The following PPARD variants were observed in gnomAD, a reference collection of about 807,000 sequenced individuals.
The protein encoded by PPARD is peroxisome proliferator-activated receptor delta.
A neutral mutation model predicts 39.5 loss-of-function variants in PPARD; 6 were observed. The observed-to-expected ratio is 0.15, with a 90% CI of 0.08 to 0.30. The LOEUF (loss-of-function observed/expected upper bound fraction) is 0.30. PPARD is among the 10% of genes least tolerant of loss of function. PPARD has a pLI of 1.00. For missense variants in PPARD, 397 were observed against 596.8 expected, an observed-to-expected ratio of 0.67 and a Z score of 3.49; for synonymous variants, 210 against 231.3, an observed-to-expected ratio of 0.91 and a Z score of 0.83.
rs202166688 is a variant in PPARD, at chr6:35,424,382, G to A, written c.681G>A (p.Val227=). The A allele has an allele frequency of 2.6e-5, 42 of 1,613,822 alleles. No individual in the cohort carries two copies. The highest frequency in any genetic ancestry group is 7.7e-5 in the South Asian group (7 of 91,074). The change falls in exon 7 of 8, where the codon GTG becomes GTA. Residue 227 remains valine, a synonymous_variant. Coordinates refer to ENST00000360694, the MANE Select transcript of PPARD (RefSeq NM_006238.5). The surrounding 1 kb of genome is among the most constrained non-coding windows in gnomAD (Gnocchi z 7.1). ...ETLWQAEKGL[V]WKQLVNGLPP... ...TGTGGCAGGCAGAGAAGGGGCTGGT[G>A]TGGAAGCAGTTGGTGAATGGCCTGC... is the stretch of plus-strand genomic sequence containing the variant.
At position 35,428,123 on chromosome 6, in the gene PPARD, A is replaced by G. The variant is rs1463778250; in HGVS notation, c.*2044A>G. 2.0e-5 allele frequency: 3 copies of G among 152,650 alleles called. No individual in the cohort carries two copies. 9.5% of individuals were successfully genotyped at this position (152,650 alleles called of 1,614,324 possible). On this transcript the variant is annotated 3_prime_UTR_variant, in exon 8 of 8. Coordinates refer to ENST00000360694, the MANE Select transcript of PPARD (RefSeq NM_006238.5). ...AGCCCCAGCTTCCTGTGTTTTTAAT[A>G]TAAATAGTGTACACAGACTGACGAA...
At chr6:35,399,859 TA>T (rs1454482009) in intron 2 of PPARD, among the ~76,000 whole-genome samples, 1 of 152,244 alleles carries the variant, frequency 6.6e-6, no homozygotes, top group African/African-American at 2.4e-5. Context: ...GTTTAATGAC[TA>T]GGTAATACTC....
At chr6:35,364,781 C>T (rs1177613606) in intron 2 of PPARD, among the ~76,000 whole-genome samples, 1 of 151,886 alleles carries the variant, frequency 6.6e-6, no homozygotes, top group Non-Finnish European at 1.5e-5. Context: ...GCGATTTCGC[C>T]TCACTGCAAC....
At chr6:35,388,039 T>G (rs1278405647) in intron 2 of PPARD, among the ~76,000 whole-genome samples, 1 of 151,712 alleles carries the variant, frequency 6.6e-6, no homozygotes, top group Non-Finnish European at 1.5e-5. Context: ...TTTTTTTTTT[T>G]TTAAAGCTTT....
At chr6:35,385,013 G>A (rs1364966829) in intron 2 of PPARD, among the ~76,000 whole-genome samples, 1 of 139,364 alleles carries the variant, frequency 7.2e-6, no homozygotes, top group African/African-American at 3.0e-5. Context: ...AGGGAGGTGG[G>A]AGGGGTCAGC....
At chr6:35,357,090 A>G (rs1761660757) in intron 2 of PPARD, among the ~76,000 whole-genome samples, 2 of 152,178 alleles carry the variant, frequency 1.3e-5, no homozygotes, top group African/African-American at 2.4e-5. Flanking sequence ...GTTAGAAGCC[A>G]CCTTCCCTTA....
Position 35,347,125 on chromosome 6 carries a change from C to T in PPARD, c.-127C>T. The T allele has an allele frequency of 6.5e-7, 1 of 1,536,124 alleles. No individual in the cohort carries two copies. Among genetic ancestry groups the T allele is most frequent in the Non-Finnish European group, 8.7e-7 (1 of 1,146,904 alleles). ...TCACACAGTGGCTTCTGCTCACCAA[C>T]AGATGAAGACAGATGCACCAACGAG... On this transcript the variant is annotated 5_prime_UTR_variant, in exon 2 of 8. Transcript: ENST00000360694.
At chr6:35,345,849 G>A (rs756011803) in intron 1 of PPARD, among the ~76,000 whole-genome samples, 55 of 151,416 alleles carry the variant, frequency 3.6e-4, no homozygotes, top group Non-Finnish European at 6.8e-4. Context: ...TCTCTCTCAG[G>A]AGTTGGACCT....
intron 2 of PPARD, among the ~76,000 whole-genome samples, chr6:35,362,074 C>G (rs979803338): frequency 1.3e-5 from 2 of 152,142 alleles, no homozygotes; most frequent in African/African-American, 4.8e-5. Flanking sequence ...TATATTATCA[C>G]ACATAAGTGG....
At chr6:35,391,645 A>G (rs1157497419) in intron 2 of PPARD, among the ~76,000 whole-genome samples, 2 of 152,202 alleles carry the variant, frequency 1.3e-5, no homozygotes, top group African/African-American at 4.8e-5. Context: ...AGGAAAAGAG[A>G]CGACTGTTTT....
chr6:35,395,985 G>T (rs1764287865), intron 2 of PPARD, among the ~76,000 whole-genome samples: 1 of 152,168 alleles, frequency 6.6e-6, no homozygotes, highest in South Asian at 2.1e-4. Flanking sequence ...TCACACGGAA[G>T]CTGGGTAGGC....
chr6:35,396,591 G>A lies in PPARD; in HGVS notation c.-101-14396G>A, dbSNP rs1353158497. On this transcript the variant is annotated intron_variant, in intron 2 of 7. Coordinates refer to ENST00000360694, the MANE Select transcript of PPARD (RefSeq NM_006238.5). ...CATGCCTATAATCCCAGCACTTTGG[G>A]AGGCCGAGGCGGGCAGATCATGAGG... 3.3e-5 allele frequency among the ~76,000 whole-genome samples: 5 copies of A among 149,654 alleles called. No individual in the cohort carries two copies. In the East Asian group the frequency reaches 9.9e-4, roughly 30 times the overall value.
chr6:35,369,218 C>G (rs1470304132), intron 2 of PPARD, among the ~76,000 whole-genome samples: 2 of 152,138 alleles, frequency 1.3e-5, no homozygotes, highest in African/African-American at 4.8e-5. Flanking sequence ...GGCTATTCAT[C>G]CTTCCCCTCA....
intron 2 of PPARD, among the ~76,000 whole-genome samples, chr6:35,378,360 G>A (rs1681449353): frequency 6.6e-6 from 1 of 152,162 alleles, no homozygotes; most frequent in African/African-American, 2.4e-5. Flanking sequence ...ATGACAGCAG[G>A]AAAGCTTGTT....
chr6:35,373,546 G>A (rs1762615182), intron 2 of PPARD, among the ~76,000 whole-genome samples: 1 of 152,194 alleles, frequency 6.6e-6, no homozygotes, highest in African/African-American at 2.4e-5. Context: ...ACTGCACAGA[G>A]GAGCTTTCTG....
Position 35,347,074 on chromosome 6 carries a change from C to T in PPARD, c.-178C>T. ...GTTTTTTCTATCCTGCAGTGTTGTA[C>T]AGTGTTTTGGGCATGCACGTGATAC... On this transcript the variant is annotated 5_prime_UTR_variant, in exon 2 of 8. Coordinates refer to ENST00000360694, the MANE Select transcript of PPARD (RefSeq NM_006238.5). The T allele has an allele frequency of 6.5e-7, 1 of 1,532,558 alleles. No individual in the cohort carries two copies. Among genetic ancestry groups the T allele is most frequent in the African/African-American group, 1.4e-5 (1 of 73,042 alleles). 94.9% of individuals were successfully genotyped at this position (1,532,558 alleles called of 1,614,324 possible). A position where few individuals can be genotyped will look rare whatever the true frequency, so the allele number is the denominator to read the frequency against.
chr6:35,374,878 G>A (rs1762717046), intron 2 of PPARD, among the ~76,000 whole-genome samples: 1 of 151,850 alleles, frequency 6.6e-6, no homozygotes, highest in African/African-American at 2.4e-5. Flanking sequence ...CCTGACAGTT[G>A]CCCTCTATTT....
At chr6:35,383,320 G>A (rs963288069) in intron 2 of PPARD, among the ~76,000 whole-genome samples, 2 of 152,216 alleles carry the variant, frequency 1.3e-5, no homozygotes, top group African/African-American at 4.8e-5. Flanking sequence ...TGGGTAACTT[G>A]CGCACTCAGT....
chr6:35,386,724 A>G (rs1010350679), intron 2 of PPARD, among the ~76,000 whole-genome samples: 1 of 152,058 alleles, frequency 6.6e-6, no homozygotes, highest in African/African-American at 2.4e-5. Context: ...GTGAAGAGCA[A>G]GGCTTCAGAA....
Sources: gnomAD v4.1 joint callset for allele counts (sites outside exome capture counted in the v4.1 genomes callset) on GRCh38, gnomAD v4.1.1 for gene constraint, Gnocchi (gnomAD v3.1) non-coding constraint, MANE v1.5 for transcripts, NCBI Gene and HGNC (gene_info 2026-07-23, HGNC 2026-07-21) for gene names.